Variants in RFX6 observed in about 807,000 individuals in gnomAD.
The protein encoded by RFX6 is regulatory factor X6, also known as DNA-binding protein RFX6.
RFX6 carries 50 observed loss-of-function variants against 110.8 expected under a neutral mutation model. That is an observed-to-expected ratio of 0.45 (90% CI 0.36 to 0.57). The LOEUF (loss-of-function observed/expected upper bound fraction) is 0.57. Among genes scored for constraint, RFX6 ranks in the 20% least tolerant of loss-of-function variants. RFX6 has a pLI of 0.00. For missense variants in RFX6, 990 were observed against 1,127.0 expected (o/e 0.88, Z 1.74); for synonymous variants, 383 against 411.2 (o/e 0.93, Z 0.83).
intron 18 of RFX6, 42 bp from the exon 19 acceptor site, chr6:116,931,288 AT>A: frequency 1.4e-6 from 2 of 1,451,230 alleles, no homozygotes; most frequent in Non-Finnish European, 1.9e-6. Flanking sequence ...AGAAAAGAAA[AT>A]GTCAATCAAT....
intron 4 of RFX6, chr6:116,884,757 C>T (rs1218187560): frequency 6.6e-6 from 1 of 152,080 alleles, no homozygotes; most frequent in Non-Finnish European, 1.5e-5. Context: ...CATTGTGTCA[C>T]AGTGGGGCTC....
intron 18 of RFX6, among the ~76,000 whole-genome samples, chr6:116,929,404 A>AT (rs1265550286): frequency 5.9e-5 from 9 of 152,050 alleles, no homozygotes; most frequent in Non-Finnish European, 1.2e-4. Flanking sequence ...TCACTCCAAG[A>AT]TTAAAAAAAA....
intron 18 of RFX6, among the ~76,000 whole-genome samples, chr6:116,930,682 G>A (rs1041621195): frequency 1.3e-5 from 2 of 152,046 alleles, no homozygotes; most frequent in Non-Finnish European, 2.9e-5. Flanking sequence ...GGAGTTCCAG[G>A]CAGAAGAAAC....
intron 12 of RFX6, among the ~76,000 whole-genome samples, chr6:116,921,244 A>G (rs1329696508): frequency 6.6e-6 from 1 of 152,226 alleles, no homozygotes; most frequent in African/African-American, 2.4e-5. Context: ...AGTAAACCTT[A>G]AAACCTTTAA....
chr6:116,907,944 C>T (rs1420531743), intron 6 of RFX6, among the ~76,000 whole-genome samples: 1 of 152,028 alleles, frequency 6.6e-6, no homozygotes, highest in Non-Finnish European at 1.5e-5. Flanking sequence ...TTATTAGGTA[C>T]ATGTACATAA....
rs939461791 is a variant in RFX6, at chr6:116,878,062, A to G, written c.380+110A>G. 5 of 1,191,568 alleles carry G rather than the reference A, an allele frequency of 4.2e-6. No individual in the cohort carries two copies. The Admixed American group carries it at 1.0e-4, about 25-fold the overall frequency. The allele number at this position is 1,191,568 out of a possible 1,614,324, so 73.8% of individuals were successfully genotyped here. A position where few individuals can be genotyped will look rare whatever the true frequency, so the allele number is the denominator to read the frequency against. ...ACTTCTTCCTCAAACTTTTTGGGAA[A>G]GTTTAAAAAACCAATTAGAATTTAA... On this transcript the variant is annotated intron_variant, in intron 2 of 18. Coordinates refer to ENST00000332958, the MANE Select transcript of RFX6 (RefSeq NM_173560.4).
intron 18 of RFX6, among the ~76,000 whole-genome samples, chr6:116,929,377 C>T (rs1264273994): frequency 2.0e-5 from 3 of 152,066 alleles, no homozygotes; most frequent in Non-Finnish European, 4.4e-5. Context: ...CTCATGATCT[C>T]CATCAGTATC....
intron 1 of RFX6, 89 bp from the exon 2 acceptor site, chr6:116,877,707 C>A: frequency 7.9e-7 from 1 of 1,268,312 alleles, no homozygotes; most frequent in Non-Finnish European, 1.1e-6. Context: ...CCCCAGTAGG[C>A]TACTCCTTTG....
At chr6:116,911,096 T>A in intron 7 of RFX6, 54 bp downstream of exon 7, 1 of 1,209,226 alleles carries the variant, frequency 8.3e-7, no homozygotes, top group Non-Finnish European at 1.2e-6. Context: ...GCTCCATATG[T>A]CAATTTGCTG....
At position 116,894,047 on chromosome 6, in the gene RFX6, T is replaced by C. The variant is rs760182171; in HGVS notation, c.627T>C (p.Ser209=). The stretch of plus-strand genomic sequence containing the variant: ...GTGCATATTACCACTCCGTTTATTC[T>C]GGAAAGGGCTTGACAAGGTAGAGTT... The part of the protein sequence containing the change: ...ESSAYYHSVY[S]GKGLTRFSGS... The change falls in exon 5 of 19, where the codon TCT becomes TCC. Residue 209 remains serine (S), a synonymous_variant. Coordinates refer to ENST00000332958, the MANE Select transcript of RFX6 (RefSeq NM_173560.4). The C allele has an allele frequency of 1.9e-6, 3 of 1,591,130 alleles. No homozygotes were observed. Among genetic ancestry groups the C allele is most frequent in the African/African-American group, 1.3e-5 (1 of 74,562 alleles).
intron 4 of RFX6, among the ~76,000 whole-genome samples, chr6:116,886,528 T>G (rs1774702304): frequency 1.3e-5 from 2 of 152,224 alleles, no homozygotes; most frequent in Non-Finnish European, 2.9e-5. Context: ...GACAAAGAGA[T>G]GATTAGTAGG....
Position 116,916,360 on chromosome 6 carries a change from C to T in RFX6, c.972+46C>T, listed in dbSNP as rs370827492. ...TAAACATGAGCCATTTATTTCTTTA[C>T]GTAGCATTCTATCTAAATTCTTGCA... On this transcript the variant is annotated intron_variant, in intron 9 of 18. Transcript: ENST00000332958. 4.1e-5 allele frequency: 44 copies of T among 1,082,478 alleles called. No homozygotes were observed. The Middle Eastern group carries it at 9.9e-4, about 24-fold the overall frequency. The allele number at this position is 1,082,478 out of a possible 1,614,324, so 67.1% of individuals were successfully genotyped here. A position where few individuals can be genotyped will look rare whatever the true frequency, so the allele number is the denominator to read the frequency against.
intron 13 of RFX6, 91 bp downstream of exon 13, chr6:116,922,242 G>A: frequency 6.6e-6 from 5 of 756,386 alleles, no homozygotes; most frequent in South Asian, 1.4e-5. Context: ...GGAGAGGGGT[G>A]GAAGGCTGTG....
chr6:116,902,976 G>A (rs1192380455), intron 6 of RFX6, among the ~76,000 whole-genome samples: 2 of 151,774 alleles, frequency 1.3e-5, no homozygotes, highest in Admixed American at 6.6e-5. Context: ...TTAGAAATAC[G>A]ATTCTTAATA....
At chr6:116,920,527 T>G in intron 12 of RFX6, 73 bp downstream of exon 12, 3 of 1,279,544 alleles carry the variant, frequency 2.3e-6, no homozygotes, top group Non-Finnish European at 3.4e-6. Context: ...TGGGTAACTC[T>G]GTTGGAGGAG....
At chr6:116,888,955 C>T (rs1774759066) in intron 4 of RFX6, among the ~76,000 whole-genome samples, 1 of 152,044 alleles carries the variant, frequency 6.6e-6, no homozygotes. Context: ...TCTCTGTTCT[C>T]AGAGACTCTA....
intron 4 of RFX6, among the ~76,000 whole-genome samples, chr6:116,888,394 TTC>T (rs1315375397): frequency 2.0e-5 from 3 of 152,238 alleles, no homozygotes; most frequent in African/African-American, 7.2e-5. Flanking sequence ...GCATTAATTA[TTC>T]TTTTTTCATA....
At chr6:116,884,499 T>C (rs996262956) in intron 4 of RFX6, among the ~76,000 whole-genome samples, 8 of 152,160 alleles carry the variant, frequency 5.3e-5, no homozygotes, top group Non-Finnish European at 1.0e-4. Flanking sequence ...TCTAACCAAG[T>C]CAACTTTATT....
intron 6 of RFX6, among the ~76,000 whole-genome samples, chr6:116,901,632 G>A (rs1775077147): frequency 6.6e-6 from 1 of 152,106 alleles, no homozygotes; most frequent in Non-Finnish European, 1.5e-5. Context: ...ACCACCCCTT[G>A]CCAATAAAAA....
Sources: allele counts gnomAD v4.1 joint callset (sites outside exome capture counted in the v4.1 genomes callset), GRCh38; gene constraint gnomAD v4.1.1; transcripts MANE v1.5; gene names NCBI Gene and HGNC (gene_info 2026-07-23, HGNC 2026-07-21).